Variants in LHX8 observed in about 807,000 individuals in gnomAD.
The protein encoded by LHX8 is LIM/homeobox protein Lhx8.
A neutral mutation model predicts 40.3 loss-of-function variants in LHX8; 12 were observed. That is an observed-to-expected ratio of 0.30 (90% CI 0.19 to 0.48). The LOEUF (loss-of-function observed/expected upper bound fraction) is 0.48. Ranked by LOEUF, LHX8 falls within the 20% of genes least tolerant of loss-of-function variation. LHX8 has a pLI of 0.99. For missense variants in LHX8, 344 were observed against 433.7 expected, an observed-to-expected ratio of 0.79 and a Z score of 1.84; for synonymous variants, 179 against 162.0, an observed-to-expected ratio of 1.10 and a Z score of -0.80.
intron 8 of LHX8, chr1:75,159,209 G>A (rs1360752555): frequency 3.3e-5 from 5 of 152,078 alleles, no homozygotes; most frequent in African/African-American, 1.2e-4. Flanking sequence ...TTTTGCATAT[G>A]GATAGCTAAT....
At chr1:75,171,510 C>T in the LHX8 span, among the ~76,000 whole-genome samples, 1 of 151,916 alleles carries the variant, frequency 6.6e-6, no homozygotes, top group South Asian at 2.1e-4. Context: ...ATGGGAAGGG[C>T]CCAATATACT....
the LHX8 span, among the ~76,000 whole-genome samples, chr1:75,191,909 G>A: frequency 1.3e-5 from 2 of 152,128 alleles, no homozygotes; most frequent in Non-Finnish European, 2.9e-5. Flanking sequence ...TCTGTGCACA[G>A]TTAGAATTGA....
At chr1:75,139,587 TTATTTCCAAGGCAG>T (rs2100335701) in intron 3 of LHX8, among the ~76,000 whole-genome samples, 1 of 152,294 alleles carries the variant, frequency 6.6e-6, no homozygotes, top group Admixed American at 6.5e-5. Flanking sequence ...AATGCTTTTT[TTATTTCCAAGGCAG>T]TATTTAACAT....
At chr1:75,195,769 TC>T in the LHX8 span, among the ~76,000 whole-genome samples, 1 of 152,074 alleles carries the variant, frequency 6.6e-6, no homozygotes, top group Admixed American at 6.6e-5. Context: ...CCTCTTTCCC[TC>T]CCTTTCTCTC....
intron 6 of LHX8, among the ~76,000 whole-genome samples, chr1:75,146,635 A>G (rs1420696497): frequency 6.6e-6 from 1 of 152,186 alleles, no homozygotes; most frequent in African/African-American, 2.4e-5. Context: ...AAAGGAGTGA[A>G]GTAGGCTTCA....
rs531266094 is a variant in LHX8 at position 75,152,920 on chromosome 1, G to A, written c.781-3973G>A. Among the ~76,000 whole-genome samples the A allele has an allele frequency of 5.9e-5, 9 of 152,118 alleles. No individual in the cohort carries two copies. In the South Asian group the frequency reaches 6.2e-4, roughly 11 times the overall value. On this transcript the variant is annotated intron_variant, in intron 7 of 8. Transcript: ENST00000356261. Reference sequence around the variant, plus strand: ...AGTTTATTTTTTCATTTTTAAGACCGTATGTTTTTAGCTCACTCTTCTGTT... The same window carrying A: ...AGTTTATTTTTTCATTTTTAAGACCATATGTTTTTAGCTCACTCTTCTGTT...
In LHX8 at chr1:75,157,049, T is replaced by G. The variant is rs752595927; in HGVS notation, c.937T>G (p.Leu313Val). ...SAYVPQDGTM[L>V]TALHSYMDAH... ...CTACGTGCCCCAAGATGGAACGATG[T>G]TAACTGCGCTGCATAGTTATATGGA... Residue 313 changes from leucine to valine, a missense_variant, in exon 8 of 9, where the codon TTA becomes GTA. Coordinates refer to ENST00000356261, the MANE Select transcript of LHX8 (RefSeq NM_001256114.2). 7 of 1,614,222 alleles carry G rather than the reference T, an allele frequency of 4.3e-6. No individual in the cohort carries two copies. Among genetic ancestry groups the G allele is most frequent in the Non-Finnish European group, 5.9e-6 (7 of 1,180,034 alleles).
At chr1:75,130,159 C>G (rs79049828), upstream of LHX8, 1,098 of 159,276 alleles carry the variant, frequency 6.9e-3, 9 homozygotes, top group African/African-American at 0.025. Context: ...AGCCGGGAAG[C>G]TTTCCAGGCT....
At chr1:75,174,724 T>C in the LHX8 span, among the ~76,000 whole-genome samples, 13 of 152,296 alleles carry the variant, frequency 8.5e-5, no homozygotes, top group African/African-American at 2.6e-4. Flanking sequence ...TTATACAAGG[T>C]AGAACATGAT....
At chr1:75,138,998 C>A (rs542794188) in intron 3 of LHX8, among the ~76,000 whole-genome samples, 1 of 151,806 alleles carries the variant, frequency 6.6e-6, no homozygotes, top group South Asian at 2.1e-4. Flanking sequence ...CTTTATTTTC[C>A]GTTTTGAGTA....
chr1:75,134,046 T>C (rs1365275816), upstream of LHX8, among the ~76,000 whole-genome samples: 1 of 152,078 alleles, frequency 6.6e-6, no homozygotes, highest in Non-Finnish European at 1.5e-5. Flanking sequence ...CCACTTCCCC[T>C]TCTGCTTGCT....
chr1:75,183,308 C>A, the LHX8 span, among the ~76,000 whole-genome samples: 10 of 151,854 alleles, frequency 6.6e-5, no homozygotes, highest in Non-Finnish European at 1.3e-4. Context: ...GAAGATCACC[C>A]CCAAGACACA....
the LHX8 span, among the ~76,000 whole-genome samples, chr1:75,191,084 T>C: frequency 6.6e-6 from 1 of 151,952 alleles, no homozygotes; most frequent in Non-Finnish European, 1.5e-5. Flanking sequence ...GAAGAGAATT[T>C]TGGTTTTATC....
At chr1:75,177,043 T>C in the LHX8 span, among the ~76,000 whole-genome samples, 2 of 152,326 alleles carry the variant, frequency 1.3e-5, no homozygotes, top group African/African-American at 4.8e-5. Flanking sequence ...ATCTCTGTTT[T>C]GGTACCAGTA....
intron 7 of LHX8, 27 bp from the exon 8 acceptor site, chr1:75,156,866 A>G (rs770010114): frequency 6.2e-7 from 1 of 1,610,844 alleles, no homozygotes; most frequent in Non-Finnish European, 8.5e-7. Context: ...TAACCTACCT[A>G]CTTCTGTTGC....
the LHX8 span, among the ~76,000 whole-genome samples, chr1:75,198,172 C>T: frequency 2.5e-3 from 384 of 152,252 alleles, 1 homozygote; most frequent in Non-Finnish European, 3.0e-3. Context: ...AAAAAAGTCT[C>T]ATATGGGATT....
At chr1:75,169,213 C>T in the LHX8 span, among the ~76,000 whole-genome samples, 2 of 152,124 alleles carry the variant, frequency 1.3e-5, no homozygotes. Context: ...GTCACACTGG[C>T]CTCCCAAGCT....
intron 1 of LHX8, among the ~76,000 whole-genome samples, chr1:75,135,273 G>A (rs149337553): frequency 2.0e-3 from 305 of 152,376 alleles, no homozygotes; most frequent in African/African-American, 6.9e-3. Context: ...CAGGACCTGT[G>A]GGTATTTGGT....
chr1:75,143,379 T>C, intron 5 of LHX8, 41 bp downstream of exon 5: 1 of 1,427,828 alleles, frequency 7.0e-7, no homozygotes, highest in Non-Finnish European at 9.7e-7. Context: ...TTTGAGACAG[T>C]GAATACAGGA....
Sources: allele counts gnomAD v4.1 joint callset (sites outside exome capture counted in the v4.1 genomes callset), GRCh38; gene constraint gnomAD v4.1.1; transcripts MANE v1.5; gene names NCBI Gene and HGNC (gene_info 2026-07-23, HGNC 2026-07-21).